The following PCDH15 variants were observed in gnomAD, a reference collection of about 807,000 sequenced individuals.
PCDH15 encodes protocadherin-15.
PCDH15 carries 129 observed loss-of-function variants against 178.5 expected under a neutral mutation model. The observed-to-expected ratio is 0.72, with a 90% CI of 0.63 to 0.84. The LOEUF (loss-of-function observed/expected upper bound fraction) is 0.84, where lower values mean the gene tolerates loss of function less well. Among genes scored for constraint, PCDH15 ranks in the 40% least tolerant of loss-of-function variants. The probability of loss-of-function intolerance (pLI) is 0.00; values close to 1 mark genes in which losing one functional copy is unlikely to be tolerated. For missense variants in PCDH15, 2,230 were observed against 2,099.9 expected, an observed-to-expected ratio of 1.06 and a Z score of -1.21; for synonymous variants, 800 against 732.0, an observed-to-expected ratio of 1.09 and a Z score of -1.50.
intron 3 of PCDH15, among the ~76,000 whole-genome samples, chr10:54,812,417 C>T (rs1382711471): frequency 4.6e-5 from 7 of 151,632 alleles, no homozygotes; most frequent in African/African-American, 1.5e-4. Flanking sequence ...ATTACAAGTG[C>T]GTGCCACCAC....
intron 8 of PCDH15, among the ~76,000 whole-genome samples, chr10:54,279,760 T>A (rs1381653424): frequency 6.6e-6 from 1 of 151,760 alleles, no homozygotes; most frequent in African/African-American, 2.4e-5. Flanking sequence ...TGCCTGGAAC[T>A]CACATCTTTA....
intron 2 of PCDH15, among the ~76,000 whole-genome samples, chr10:54,555,565 A>C (rs2087114336): frequency 8.3e-6 from 1 of 119,774 alleles, no homozygotes; most frequent in Non-Finnish European, 1.8e-5. Context: ...CCCCCTCTCT[A>C]CTAAAAATAC....
chr10:55,582,596 G>GTGTATATA (rs1335355640), intron 2 of PCDH15, among the ~76,000 whole-genome samples: 5 of 90,304 alleles, frequency 5.5e-5, no homozygotes, highest in African/African-American at 2.3e-4. Context: ...ATGTGTATGT[G>GTGTATATA]TATATATATA....
intron 13 of PCDH15, among the ~76,000 whole-genome samples, chr10:54,167,354 C>G (rs2046337829): frequency 6.6e-6 from 1 of 152,178 alleles, no homozygotes; most frequent in African/African-American, 2.4e-5. Flanking sequence ...TCTTCAATCT[C>G]TCCCTTCTCT....
chr10:55,588,408 A>G (rs1842769748), intron 2 of PCDH15, among the ~76,000 whole-genome samples: 1 of 152,220 alleles, frequency 6.6e-6, no homozygotes, highest in South Asian at 2.1e-4. Context: ...TTGCCAAAAT[A>G]CAATATGGAT....
chr10:54,734,442 A>G (rs1943811620), intron 1 of PCDH15, among the ~76,000 whole-genome samples: 2 of 151,920 alleles, frequency 1.3e-5, no homozygotes, highest in Admixed American at 1.3e-4. Flanking sequence ...TGACACACTC[A>G]TGCATTGCTG....
intron 2 of PCDH15, among the ~76,000 whole-genome samples, chr10:54,535,697 G>A (rs553141598): frequency 3.3e-4 from 36 of 109,304 alleles, no homozygotes; most frequent in Non-Finnish European, 1.5e-4. Flanking sequence ...CAGACAGAGC[G>A]AGACTCCACC....
intron 7 of PCDH15, among the ~76,000 whole-genome samples, chr10:54,326,515 G>A (rs1243421361): frequency 6.6e-6 from 1 of 152,046 alleles, no homozygotes; most frequent in Non-Finnish European, 1.5e-5. Context: ...TATATTTCAA[G>A]CATTAGTCTA....
At chr10:55,252,452 ATG>A (rs1330432982) in intron 1 of PCDH15, among the ~76,000 whole-genome samples, 2 of 152,134 alleles carry the variant, frequency 1.3e-5, no homozygotes, top group East Asian at 3.8e-4. Flanking sequence ...ATTATTATTT[ATG>A]TTAATTTCCC....
intron 2 of PCDH15, among the ~76,000 whole-genome samples, chr10:55,160,001 A>G (rs945038369): frequency 6.6e-6 from 1 of 151,906 alleles, no homozygotes; most frequent in African/African-American, 2.4e-5. Flanking sequence ...ACCTTTAGGC[A>G]TCTTTAAAGC....
chr10:54,384,292 CAATT>C (rs1305583098), intron 3 of PCDH15, among the ~76,000 whole-genome samples: 1 of 148,574 alleles, frequency 6.7e-6, no homozygotes, highest in Non-Finnish European at 1.5e-5. Context: ...CCTAACCAAA[CAATT>C]AAATCTCTAC....
intron 2 of PCDH15, among the ~76,000 whole-genome samples, chr10:54,598,917 G>C (rs924313272): frequency 6.6e-6 from 1 of 151,848 alleles, no homozygotes; most frequent in East Asian, 1.9e-4. Flanking sequence ...CAGCTAACCA[G>C]AAAGGTGAAA....
At chr10:54,354,068 C>T (rs972482718) in intron 5 of PCDH15, among the ~76,000 whole-genome samples, 1 of 152,222 alleles carries the variant, frequency 6.6e-6, no homozygotes, top group South Asian at 2.1e-4. Context: ...TCACCGCAAC[C>T]TCCACCTCCT....
chr10:53,828,237 A>T (rs2076819603), intron 31 of PCDH15, among the ~76,000 whole-genome samples: 2 of 137,740 alleles, frequency 1.5e-5, no homozygotes, highest in South Asian at 2.4e-4. Context: ...AAAAAAAAAA[A>T]AAAATTCCTA....
intron 7 of PCDH15, among the ~76,000 whole-genome samples, chr10:54,321,230 C>T (rs1483339152): frequency 2.0e-5 from 3 of 149,406 alleles, no homozygotes; most frequent in African/African-American, 2.4e-5. Flanking sequence ...AATCTCACTA[C>T]ATTGCCTATA....
At chr10:54,605,917 T>A (rs931086819) in intron 2 of PCDH15, 1 of 152,120 alleles carries the variant, frequency 6.6e-6, no homozygotes, top group Non-Finnish European at 1.5e-5. Context: ...GATAGATATG[T>A]AGATAAATTC....
At chr10:54,256,592 G>T (rs1198089809) in intron 8 of PCDH15, among the ~76,000 whole-genome samples, 1 of 152,086 alleles carries the variant, frequency 6.6e-6, no homozygotes, top group Non-Finnish European at 1.5e-5. Flanking sequence ...GGATCAATTT[G>T]ACTTTCCACC....
chr10:54,517,431 C>T (rs966380388), intron 3 of PCDH15, among the ~76,000 whole-genome samples: 4 of 152,086 alleles, frequency 2.6e-5, no homozygotes, highest in African/African-American at 9.7e-5. Flanking sequence ...ATAAAACAGA[C>T]TTTAAACCAA....
At chr10:54,787,783 C>A (rs934573087) in intron 1 of PCDH15, among the ~76,000 whole-genome samples, 1 of 151,908 alleles carries the variant, frequency 6.6e-6, no homozygotes, top group Non-Finnish European at 1.5e-5. Flanking sequence ...GAGATGCATC[C>A]CAAATTCATG....
Sources: allele counts gnomAD v4.1 joint callset (sites outside exome capture counted in the v4.1 genomes callset), GRCh38; gene constraint gnomAD v4.1.1; transcripts MANE v1.5; gene names NCBI Gene and HGNC (gene_info 2026-07-23, HGNC 2026-07-21).